NTAQ1: variants seen among roughly 807,000 people sequenced by gnomAD.
NTAQ1 encodes N-terminal glutamine amidase 1.
Under a neutral mutation model 28.2 loss-of-function variants are expected in NTAQ1, and 21 were observed. The ratio of observed to expected loss-of-function variants is 0.74; its 90% CI spans 0.53 to 1.07. NTAQ1 has a LOEUF of 1.07. Ranked by LOEUF, NTAQ1 falls within the 50% of genes least tolerant of loss-of-function variation. NTAQ1 has a pLI of 0.00. For synonymous variants in NTAQ1, 105 were observed against 90.0 expected, an observed-to-expected ratio of 1.17 and a Z score of -0.94; for missense variants, 264 against 256.6, an observed-to-expected ratio of 1.03 and a Z score of -0.20.
downstream of NTAQ1, among the ~76,000 whole-genome samples, chr8:123,451,373 C>T (rs569500850): frequency 3.9e-5 from 6 of 152,226 alleles, no homozygotes; most frequent in Non-Finnish European, 7.4e-5. Context: ...GAGTCTCACT[C>T]GGTCACCCAG....
At chr8:123,421,512 C>CTTTT (rs71310677) in intron 1 of NTAQ1, among the ~76,000 whole-genome samples, 42,174 of 133,324 alleles carry the variant, frequency 0.32, 6,787 homozygotes, top group Admixed American at 0.34. Flanking sequence ...TCTCTTTTTC[C>CTTTT]TTTTTTTTTT....
At chr8:123,438,276 C>T in intron 5 of NTAQ1, 1 of 681,908 alleles carries the variant, frequency 1.5e-6, no homozygotes, top group Non-Finnish European at 2.7e-6. Flanking sequence ...GGGGTGAGAT[C>T]ATCCCAACAC....
chr8:123,443,221 T>C (rs1424820347), downstream of NTAQ1, among the ~76,000 whole-genome samples: 2 of 149,772 alleles, frequency 1.3e-5, no homozygotes, highest in African/African-American at 2.5e-5. Context: ...GGTTTTGCCA[T>C]GCTAACTAGG....
At chr8:123,446,096 C>T (rs1235452027), downstream of NTAQ1, among the ~76,000 whole-genome samples, 3 of 151,708 alleles carry the variant, frequency 2.0e-5, no homozygotes, top group Non-Finnish European at 4.4e-5. Flanking sequence ...CAGGTTCAAG[C>T]GATTCTCGTG....
exon 7 of NTAQ1, among the ~76,000 whole-genome samples, chr8:123,468,762 T>G (rs1816010423): frequency 6.6e-6 from 1 of 152,232 alleles, no homozygotes. Context: ...GGTAATTCTA[T>G]TTTTAATTTT....
intron 3 of NTAQ1, 166 bp downstream of exon 3, chr8:123,430,199 C>A: frequency 2.2e-6 from 1 of 453,988 alleles, no homozygotes. Context: ...AAGGTAGAAA[C>A]ACTGTAGGCA....
chr8:123,445,945 A>C (rs1253261697), downstream of NTAQ1, among the ~76,000 whole-genome samples: 1 of 150,346 alleles, frequency 6.7e-6, no homozygotes, highest in African/African-American at 2.4e-5. Context: ...TGGTTGTCCC[A>C]CCAAATCCAT....
intron 6 of NTAQ1, among the ~76,000 whole-genome samples, chr8:123,460,290 A>C (rs1815784921): frequency 6.6e-6 from 1 of 152,208 alleles, no homozygotes; most frequent in Admixed American, 6.5e-5. Flanking sequence ...ATGAAGTAGG[A>C]ATGATTATTA....
chr8:123,475,140 A>G, the NTAQ1 span, among the ~76,000 whole-genome samples: 52 of 152,304 alleles, frequency 3.4e-4, no homozygotes, highest in East Asian at 9.4e-3. Flanking sequence ...ATGGGTTATA[A>G]TCGAACACTG....
At chr8:123,428,051 A>G in intron 2 of NTAQ1, 28 bp downstream of exon 2, 1 of 1,513,102 alleles carries the variant, frequency 6.6e-7, no homozygotes, top group Non-Finnish European at 9.0e-7. Flanking sequence ...TGCAGAAAGA[A>G]AACAAGAGAT....
intron 5 of NTAQ1, among the ~76,000 whole-genome samples, chr8:123,437,702 C>CA (rs67334148): frequency 8.0e-5 from 11 of 137,162 alleles, no homozygotes; most frequent in Non-Finnish European, 1.1e-4. Flanking sequence ...GACTCCATCT[C>CA]AAAAAAAAAA....
intron 3 of NTAQ1, among the ~76,000 whole-genome samples, chr8:123,431,584 A>C (rs895586214): frequency 6.6e-6 from 1 of 152,206 alleles, no homozygotes; most frequent in Middle Eastern, 3.2e-3. Flanking sequence ...CGTTGCCAGC[A>C]GGTGATCTTG....
chr8:123,446,167 G>T (rs1412736807), downstream of NTAQ1, among the ~76,000 whole-genome samples: 10 of 151,238 alleles, frequency 6.6e-5, no homozygotes, highest in East Asian at 2.0e-4. Context: ...AATTTTGTGT[G>T]TGTGTGTGTT....
chr8:123,444,395 T>G (rs1179582032), downstream of NTAQ1, among the ~76,000 whole-genome samples: 1 of 152,202 alleles, frequency 6.6e-6, no homozygotes, highest in African/African-American at 2.4e-5. Flanking sequence ...AGATGGGATT[T>G]TACCATGTTG....
chr8:123,444,099 G>T (rs1414832598), downstream of NTAQ1, among the ~76,000 whole-genome samples: 3 of 151,054 alleles, frequency 2.0e-5, no homozygotes, highest in Non-Finnish European at 4.4e-5. Context: ...TTCTTTTGAG[G>T]TCAGATTTCT....
At chr8:123,440,815 A>G (rs1312169930) in intron 5 of NTAQ1, among the ~76,000 whole-genome samples, 2 of 152,162 alleles carry the variant, frequency 1.3e-5, no homozygotes, top group African/African-American at 4.8e-5. Flanking sequence ...GCAGCCTTTC[A>G]TCGAGGGCTA....
At chr8:123,419,191 C>T (rs1375909544) in intron 1 of NTAQ1, among the ~76,000 whole-genome samples, 3 of 150,876 alleles carry the variant, frequency 2.0e-5, no homozygotes, top group South Asian at 2.1e-4. Context: ...CTCCACCTCC[C>T]AGGCTCAAGC....
intron 5 of NTAQ1, among the ~76,000 whole-genome samples, chr8:123,438,638 C>G (rs1484497789): frequency 1.3e-5 from 2 of 148,716 alleles, no homozygotes; most frequent in Non-Finnish European, 3.0e-5. Context: ...CACCACTGCA[C>G]TCCAGCCTGA....
chr8:123,425,131 G>A (rs112600060), intron 1 of NTAQ1, among the ~76,000 whole-genome samples: 39 of 151,630 alleles, frequency 2.6e-4, no homozygotes, highest in Non-Finnish European at 4.4e-4. Context: ...TCTCTCTGTC[G>A]CCCAGGCTGG....
Sources: allele counts gnomAD v4.1 joint callset (sites outside exome capture counted in the v4.1 genomes callset), GRCh38; gene constraint gnomAD v4.1.1; transcripts MANE v1.5; gene names NCBI Gene and HGNC (gene_info 2026-07-23, HGNC 2026-07-21).